PELI2: variants seen among roughly 807,000 people sequenced by gnomAD.
The protein encoded by PELI2 is pellino E3 ubiquitin protein ligase family member 2, also known as E3 ubiquitin-protein ligase pellino homolog 2.
PELI2 carries 23 observed loss-of-function variants against 42.3 expected under a neutral mutation model. The ratio of observed to expected loss-of-function variants is 0.54; its 90% CI spans 0.39 to 0.77. PELI2 has a LOEUF of 0.77. PELI2 is among the 30% of genes least tolerant of loss of function. The pLI is 0.00. For synonymous variants in PELI2, 245 were observed against 212.2 expected (o/e 1.15, Z -1.34); for missense variants, 463 against 553.2 (o/e 0.84, Z 1.64).
At chr14:56,163,965 A>G (rs1884860444) in intron 1 of PELI2, among the ~76,000 whole-genome samples, 1 of 152,232 alleles carries the variant, frequency 6.6e-6, no homozygotes, top group African/African-American at 2.4e-5. Context: ...TGTAGTCTTT[A>G]CAGTTTTCCA....
chr14:56,267,967 A>G (rs1162481793), intron 2 of PELI2, among the ~76,000 whole-genome samples: 1 of 152,210 alleles, frequency 6.6e-6, no homozygotes, highest in South Asian at 2.1e-4. Context: ...TTACATGGTA[A>G]GTCATTGGGT....
intron 1 of PELI2, among the ~76,000 whole-genome samples, chr14:56,128,914 G>A (rs1042080789): frequency 6.6e-6 from 1 of 152,002 alleles, no homozygotes; most frequent in Non-Finnish European, 1.5e-5. Context: ...TTGTGGGGAG[G>A]GAGGGAATTC....
intron 3 of PELI2, among the ~76,000 whole-genome samples, chr14:56,284,247 G>A (rs1889575005): frequency 6.6e-6 from 1 of 152,190 alleles, no homozygotes; most frequent in Non-Finnish European, 1.5e-5. Flanking sequence ...TATAATCAGA[G>A]TAAGATCTTG....
intron 1 of PELI2, among the ~76,000 whole-genome samples, chr14:56,149,276 G>C (rs1884248943): frequency 6.6e-6 from 1 of 152,140 alleles, no homozygotes; most frequent in South Asian, 2.1e-4. Flanking sequence ...CATATCCATG[G>C]TTATTGAAAA....
chr14:56,274,604 A>G lies in PELI2; in HGVS notation c.208-5072A>G, dbSNP rs922734214. 2.0e-5 allele frequency among the ~76,000 whole-genome samples: 3 copies of G among 152,158 alleles called. No individual in the cohort carries two copies. In the South Asian group the frequency reaches 6.2e-4, roughly 32 times the overall value. On this transcript the variant is annotated intron_variant, in intron 2 of 5. Transcript: ENST00000267460. ...AGAAAATTCTCTAGACGTATGAACC[A>G]TGTTTGTTTTAGAGTCTGGAGACTC...
chr14:56,144,826 G>T (rs1420795627), intron 1 of PELI2: 3 of 227,888 alleles, frequency 1.3e-5, no homozygotes, highest in Non-Finnish European at 2.2e-5. Context: ...CTCCAGCCCT[G>T]TCTTACCCTG....
chr14:56,262,507 A>G (rs1888746321), intron 2 of PELI2, among the ~76,000 whole-genome samples: 1 of 152,166 alleles, frequency 6.6e-6, no homozygotes, highest in South Asian at 2.1e-4. Context: ...TCTTTTCGCC[A>G]TTAATTTCTA....
intron 2 of PELI2, among the ~76,000 whole-genome samples, chr14:56,228,207 T>C (rs1482413461): frequency 6.6e-6 from 1 of 152,246 alleles, no homozygotes; most frequent in Admixed American, 6.5e-5. Flanking sequence ...ATATTAAGCA[T>C]TTCTAGTTTG....
At chr14:56,244,766 G>A (rs1405190131) in intron 2 of PELI2, among the ~76,000 whole-genome samples, 7 of 152,190 alleles carry the variant, frequency 4.6e-5, no homozygotes, top group African/African-American at 1.7e-4. Flanking sequence ...TTGGAATAAG[G>A]TATGAAATAA....
At position 56,288,373 on chromosome 14, in the gene PELI2, T is replaced by C; in HGVS notation, c.310-64T>C. The C allele has an allele frequency of 7.9e-7, 1 of 1,263,062 alleles. No homozygotes were observed. The highest frequency in any genetic ancestry group is 2.4e-5 in the East Asian group (1 of 41,826). 78.2% of individuals were successfully genotyped at this position (1,263,062 alleles called of 1,614,324 possible). On this transcript the variant is annotated intron_variant, in intron 3 of 5. Coordinates refer to ENST00000267460, the MANE Select transcript of PELI2 (RefSeq NM_021255.3). The surrounding 1 kb of genome is among the most constrained non-coding windows in gnomAD (Gnocchi z 4.6). ...AAAGGAATCCTGAATGCTTTTTCCT[T>C]GTGAATAAAATACGGCACCCTGCTA...
intron 2 of PELI2, among the ~76,000 whole-genome samples, chr14:56,266,567 T>A (rs1425503314): frequency 1.3e-5 from 2 of 152,068 alleles, no homozygotes; most frequent in African/African-American, 4.8e-5. Context: ...GGTAAAGATA[T>A]CTGCCATTTT....
At chr14:56,237,077 T>G (rs1055396948) in intron 2 of PELI2, among the ~76,000 whole-genome samples, 30 of 152,192 alleles carry the variant, frequency 2.0e-4, no homozygotes, top group African/African-American at 7.2e-4. Context: ...TTAGCAAATG[T>G]CCCCTCCTTG....
intron 2 of PELI2, among the ~76,000 whole-genome samples, chr14:56,275,599 C>T (rs943295333): frequency 6.6e-6 from 1 of 152,120 alleles, no homozygotes; most frequent in African/African-American, 2.4e-5. Context: ...GGTTCACGCT[C>T]CTATGAGAAC....
chr14:56,235,242 G>C (rs564170229), intron 2 of PELI2, among the ~76,000 whole-genome samples: 1 of 152,204 alleles, frequency 6.6e-6, no homozygotes, highest in African/African-American at 2.4e-5. Context: ...TAATACTGTG[G>C]TGAATAAAAT....
intron 2 of PELI2, among the ~76,000 whole-genome samples, chr14:56,206,548 TCCATTAAAAGCCA>T (rs1886525380): frequency 6.6e-6 from 1 of 152,158 alleles, no homozygotes; most frequent in African/African-American, 2.4e-5. Context: ...TTTCCTATAT[TCCATTAAAAGCCA>T]CTTTGTTTTT....
chr14:56,175,686 A>T (rs1282058793), intron 1 of PELI2, among the ~76,000 whole-genome samples: 1 of 152,228 alleles, frequency 6.6e-6, no homozygotes, highest in East Asian at 1.9e-4. Context: ...CTCTATGCTT[A>T]GGCAATTTAA....
At chr14:56,151,955 T>C (rs1274924733) in intron 1 of PELI2, among the ~76,000 whole-genome samples, 1 of 152,196 alleles carries the variant, frequency 6.6e-6, no homozygotes, top group East Asian at 1.9e-4. Flanking sequence ...AAGGCTGCTG[T>C]AGTCCACAGG....
chr14:56,125,357 C>T (rs1167682567), intron 1 of PELI2, among the ~76,000 whole-genome samples: 1 of 140,642 alleles, frequency 7.1e-6, no homozygotes, highest in Non-Finnish European at 1.5e-5. Flanking sequence ...AATGGAACTT[C>T]AGAGACTGCT....
intron 2 of PELI2, among the ~76,000 whole-genome samples, chr14:56,199,219 A>G (rs1232712716): frequency 1.3e-5 from 2 of 152,142 alleles, no homozygotes; most frequent in Non-Finnish European, 2.9e-5. Flanking sequence ...TCATCATGTG[A>G]TGCTTCTGGG....
Sources: allele counts gnomAD v4.1 joint callset (sites outside exome capture counted in the v4.1 genomes callset), GRCh38; gene constraint gnomAD v4.1.1; non-coding constraint Gnocchi (gnomAD v3.1); transcripts MANE v1.5; gene names NCBI Gene and HGNC (gene_info 2026-07-23, HGNC 2026-07-21).